The following RDH12 variants were observed in gnomAD, a reference collection of about 807,000 sequenced individuals.
RDH12 encodes retinol dehydrogenase 12.
RDH12 carries 21 observed loss-of-function variants against 34.0 expected under a neutral mutation model. The observed-to-expected ratio is 0.62, with a 90% CI of 0.44 to 0.89. The LOEUF (loss-of-function observed/expected upper bound fraction) is 0.89, where lower values mean the gene tolerates loss of function less well. Among genes scored for constraint, RDH12 ranks in the 40% least tolerant of loss-of-function variants. RDH12 has a pLI of 0.00. For missense variants in RDH12, 394 were observed against 398.6 expected, an observed-to-expected ratio of 0.99 and a Z score of 0.10; for synonymous variants, 198 against 169.9, an observed-to-expected ratio of 1.17 and a Z score of -1.29.
intron 2 of RDH12, among the ~76,000 whole-genome samples, chr14:67,721,606 T>C (rs1467412179): frequency 2.0e-5 from 3 of 151,958 alleles, no homozygotes; most frequent in Non-Finnish European, 4.4e-5. Flanking sequence ...TGGCCTTGAG[T>C]AAAGCAAGTG....
At chr14:67,710,187 A>G (rs1389306213) in intron 1 of RDH12, among the ~76,000 whole-genome samples, 2 of 152,200 alleles carry the variant, frequency 1.3e-5, no homozygotes, top group Non-Finnish European at 2.9e-5. Context: ...CACTTTGGGT[A>G]CATGTCATCA....
At chr14:67,718,300 GAGA>G (rs1188220268) in intron 1 of RDH12, among the ~76,000 whole-genome samples, 1 of 152,202 alleles carries the variant, frequency 6.6e-6, no homozygotes. Flanking sequence ...TAGGGAAGAG[GAGA>G]AGGAGGAAGG....
rs771381285 is a variant in RDH12 at position 67,725,151 on chromosome 14, C to T, written c.240C>T (p.Ala80=). 62 of 1,614,046 alleles carry T rather than the reference C, an allele frequency of 3.8e-5. No individual in the cohort carries two copies. Among genetic ancestry groups the T allele is most frequent in the Admixed American group, 1.5e-4 (9 of 60,000 alleles). The stretch of plus-strand genomic sequence containing the variant: ...ATGTACTGAAGGGGGAGTCTGCTGC[C>T]AGTGAAATCCGAGTGGATACAAAGA... ...CRDVLKGESA[A]SEIRVDTKNS... The change falls in exon 5 of 9, where the codon GCC becomes GCT. Residue 80 remains alanine, a synonymous_variant. Coordinates refer to ENST00000551171, the MANE Select transcript of RDH12 (RefSeq NM_152443.3).
intron 5 of RDH12, 76 bp from the exon 6 acceptor site, chr14:67,725,975 G>A: frequency 2.1e-6 from 2 of 957,806 alleles, no homozygotes; most frequent in Non-Finnish European, 3.4e-6. Flanking sequence ...AAGGGAAAGG[G>A]CAATTATGCA....
Sources: gnomAD v4.1 joint callset for allele counts (sites outside exome capture counted in the v4.1 genomes callset) on GRCh38, gnomAD v4.1.1 for gene constraint, MANE v1.5 for transcripts, NCBI Gene and HGNC (gene_info 2026-07-23, HGNC 2026-07-21) for gene names.